Variants in KCNV2 observed in about 807,000 individuals in gnomAD.
KCNV2 encodes potassium voltage-gated channel modifier subfamily V member 2.
KCNV2 carries 65 observed loss-of-function variants against 37.0 expected under a neutral mutation model. The observed-to-expected ratio is 1.76, with a 90% CI of 1.44 to 2.16. The LOEUF (loss-of-function observed/expected upper bound fraction) is 2.16, where lower values mean the gene tolerates loss of function less well. Among genes scored for constraint, KCNV2 ranks in the 30% most tolerant of loss-of-function variants. The pLI, the probability that KCNV2 is intolerant of heterozygous loss-of-function variation, is 0.00. For missense variants in KCNV2, 1,232 were observed against 766.7 expected (o/e 1.61, Z -7.17); for synonymous variants, 518 against 328.6 (o/e 1.58, Z -6.23).
chr9:2,728,717 TTTGAAAAGTG>T (rs1385362692), intron 1 of KCNV2, among the ~76,000 whole-genome samples: 1 of 152,054 alleles, frequency 6.6e-6, no homozygotes, highest in Non-Finnish European at 1.5e-5. Flanking sequence ...ACGTAACAAC[TTTGAAAAGTG>T]TTATAACTGT....
chr9:2,719,143 G>C (rs374028926), intron 1 of KCNV2, 48 bp downstream of exon 1: 3 of 1,594,002 alleles, frequency 1.9e-6, no homozygotes, highest in Non-Finnish European at 2.6e-6. Context: ...CCAGCCCAGT[G>C]AGCTGCTCCT....
At chr9:2,724,034 G>C (rs1303003439) in intron 1 of KCNV2, among the ~76,000 whole-genome samples, 1 of 151,332 alleles carries the variant, frequency 6.6e-6, no homozygotes, top group Non-Finnish European at 1.5e-5. Context: ...CGGGGGTTGG[G>C]GGGTGGAGGG....
rs1403529555 is a variant in KCNV2 at position 2,717,919 on chromosome 9, C to T, written c.180C>T (p.Asp60=). 5.0e-5 allele frequency: 81 copies of T among 1,614,024 alleles called. No homozygotes were observed. Among genetic ancestry groups the T allele is most frequent in the Non-Finnish European group, 6.3e-5 (74 of 1,180,028 alleles). Residue 60 remains aspartate, a synonymous_variant, in exon 1 of 2, where the codon GAC becomes GAT. Transcript: ENST00000382082. ...ACTACTACATCGAGGAAGACGAAGACGGCGAGGAGGAGGACCAGTGGAAGG... is the reference window on the plus strand; with the variant it reads ...ACTACTACATCGAGGAAGACGAAGATGGCGAGGAGGAGGACCAGTGGAAGG... ...NYNYYIEEDE[D]GEEEDQWKDD...
chr9:2,720,590 C>G (rs1208943631), intron 1 of KCNV2: 1 of 152,178 alleles, frequency 6.6e-6, no homozygotes, highest in Non-Finnish European at 1.5e-5. Context: ...TTGTCCCCAG[C>G]AAATGACATT....
intron 1 of KCNV2, among the ~76,000 whole-genome samples, chr9:2,722,944 G>C (rs1235363487): frequency 6.6e-6 from 1 of 152,138 alleles, no homozygotes; most frequent in Non-Finnish European, 1.5e-5. Context: ...CACTTCATAA[G>C]TTTCTTTTCA....
Position 2,729,982 on chromosome 9 carries a change from A to C in KCNV2, c.*255A>C, listed in dbSNP as rs894121306. ...GAAAACCTGAGGGGAGCAACAGCTT[A>C]GATTTTTCTTGTAGCTTCTCGTGGC... On this transcript the variant is annotated 3_prime_UTR_variant, in exon 2 of 2. Transcript: ENST00000382082. The C allele has an allele frequency of 1.7e-5, 8 of 463,050 alleles. No homozygotes were observed. The highest frequency in any genetic ancestry group is 3.1e-5 in the Non-Finnish European group (8 of 260,140). 28.7% of individuals were successfully genotyped at this position (463,050 alleles called of 1,614,324 possible).
chr9:2,719,158 C>G, intron 1 of KCNV2, 63 bp downstream of exon 1: 6 of 1,573,736 alleles, frequency 3.8e-6, no homozygotes, highest in Non-Finnish European at 5.2e-6. Flanking sequence ...GCTCCTCCCT[C>G]CCCTGGTTAT....
At position 2,729,649 on chromosome 9, in the gene KCNV2, C is replaced by T. The variant is rs376753532; in HGVS notation, c.1560C>T (p.Phe520=). 5.6e-6 allele frequency: 9 copies of T among 1,613,976 alleles called. No individual in the cohort carries two copies. The highest frequency in any genetic ancestry group is 7.6e-6 in the Non-Finnish European group (9 of 1,180,004). ...GCAGGGAGAGGGGAGAGGTGAACTTCATGCAGAGAGCCAGAAAGAAGATAG... is the reference window on the plus strand; with the variant it reads ...GCAGGGAGAGGGGAGAGGTGAACTTTATGCAGAGAGCCAGAAAGAAGATAG... ...TIRRERGEVN[F]MQRARKKIAE... is the part of the protein sequence containing the mutation. The change falls in exon 2 of 2, where the codon TTC becomes TTT. Residue 520 remains phenylalanine, a synonymous_variant. Transcript: ENST00000382082.
intron 1 of KCNV2, among the ~76,000 whole-genome samples, chr9:2,720,862 A>G (rs1419741454): frequency 6.6e-6 from 1 of 152,244 alleles, no homozygotes; most frequent in Non-Finnish European, 1.5e-5. Flanking sequence ...TAATTAAAAT[A>G]AAACACATAA....
chr9:2,718,498 A>G lies in KCNV2; in HGVS notation c.759A>G (p.Pro253=), dbSNP rs10967709. 163,434 of 1,610,338 alleles carry G rather than the reference A, an allele frequency of 0.1. 8,982 individuals are homozygous for G. Among genetic ancestry groups the G allele is most frequent in the Admixed American group, 0.16 (9,684 of 59,594 alleles). Reference sequence around the variant, plus strand: ...GCCTCTGGAACCTCATGGAGAAGCCATTCTCCTCGGTGGCCGCCAAGGCCA... The same window carrying G: ...GCCTCTGGAACCTCATGGAGAAGCCGTTCTCCTCGGTGGCCGCCAAGGCCA... ...RRRLWNLMEK[P]FSSVAAKAIG... is the part of the protein sequence containing the mutation. The change falls in exon 1 of 2, where the codon CCA becomes CCG. Residue 253 remains proline, a synonymous_variant. Coordinates refer to ENST00000382082, the MANE Select transcript of KCNV2 (RefSeq NM_133497.4).
At chr9:2,725,915 G>C (rs894321340) in intron 1 of KCNV2, among the ~76,000 whole-genome samples, 3 of 152,188 alleles carry the variant, frequency 2.0e-5, no homozygotes, top group Non-Finnish European at 4.4e-5. Context: ...GTTGTTTAGT[G>C]AGTAAACTGC....
At chr9:2,728,122 C>A (rs117592628) in intron 1 of KCNV2, among the ~76,000 whole-genome samples, 1,886 of 152,246 alleles carry the variant, frequency 0.012, 12 homozygotes, top group Middle Eastern at 0.02. Flanking sequence ...TGGCTCACTT[C>A]TCCATTTCAT....
rs1174803683 is a variant in KCNV2 at position 2,717,761 on chromosome 9, A to C, written c.22A>C (p.Arg8=). Residue 8 remains arginine, a synonymous_variant, in exon 1 of 2, where the codon AGA becomes CGA. Transcript: ENST00000382082. ...AGCCATGCTCAAACAGAGTGAGAGG[A>C]GACGGTCCTGGAGCTACAGGCCCTG... MLKQSER[R]RSWSYRPWNT... The C allele has an allele frequency of 6.2e-7, 1 of 1,614,092 alleles. No individual in the cohort carries two copies. The highest frequency in any genetic ancestry group is 8.5e-7 in the Non-Finnish European group (1 of 1,180,032).
chr9:2,723,975 T>A (rs1819927673), intron 1 of KCNV2, among the ~76,000 whole-genome samples: 2 of 151,746 alleles, frequency 1.3e-5, no homozygotes. Context: ...TTTTTTTTTT[T>A]TTTAGCCTCA....
In KCNV2 at chr9:2,718,012, C is replaced by A. The variant is rs1369300851; in HGVS notation, c.273C>A (p.Asp91Glu). The A allele has an allele frequency of 1.1e-5, 17 of 1,613,404 alleles. No homozygotes were observed. Among genetic ancestry groups the A allele is most frequent in the Non-Finnish European group, 1.4e-5 (16 of 1,179,734 alleles). The change falls in exon 1 of 2, where the codon GAC (aspartate) becomes GAA (glutamate). Residue 91 changes from aspartate (D) to glutamate (E), a missense_variant. Physicochemically the swap from Asp to Glu is conservative, Grantham distance 45 (BLOSUM62 2). Coordinates refer to ENST00000382082, the MANE Select transcript of KCNV2 (RefSeq NM_133497.4). The stretch of plus-strand genomic sequence containing the variant: ...CCGCCAAGCCCGAGGGCCCCAGCGA[C>A]CCTCCGGCCCTGCTGTCCACGCTGA... ...VTTAKPEGPS[D>E]PPALLSTLNV...
intron 1 of KCNV2, chr9:2,720,533 C>T (rs1340478979): frequency 2.0e-5 from 3 of 152,158 alleles, no homozygotes; most frequent in African/African-American, 7.2e-5. Flanking sequence ...AAGGTCATCC[C>T]TATAGTAGAT....
rs757360187 is a variant in KCNV2, at chr9:2,717,760, G to C, written c.21G>C (p.Arg7Ser). 3.7e-6 allele frequency: 6 copies of C among 1,614,104 alleles called. No individual in the cohort carries two copies. The highest frequency in any genetic ancestry group is 1.6e-4 in the Middle Eastern group (1 of 6,084). MLKQSERRRSWSYRPWN... is the reference protein window; with the variant it reads MLKQSESRRSWSYRPWN... ...CAGCCATGCTCAAACAGAGTGAGAGGAGACGGTCCTGGAGCTACAGGCCCT... is the reference window on the plus strand; with the variant it reads ...CAGCCATGCTCAAACAGAGTGAGAGCAGACGGTCCTGGAGCTACAGGCCCT... Residue 7 changes from arginine (R) to serine (S), a missense_variant, in exon 1 of 2, where the codon AGG (arginine) becomes AGC (serine). Transcript: ENST00000382082.
In KCNV2 at chr9:2,729,531, G is replaced by A. The variant is rs1249859757; in HGVS notation, c.1442G>A (p.Gly481Glu). Residue 481 changes from glycine (G) to glutamate (E), a missense_variant, in exon 2 of 2, where the codon GGG becomes GAG. Physicochemically the swap from Gly to Glu is moderately conservative, Grantham distance 98. Transcript: ENST00000382082. ...TTTGCCTTCCTCTGCATTGCTTTTGGGATCATTCTCAACGGGATGCCCATT... is the reference window on the plus strand; with the variant it reads ...TTTGCCTTCCTCTGCATTGCTTTTGAGATCATTCTCAACGGGATGCCCATT... ...RFFAFLCIAF[G>E]IILNGMPISI... 6.2e-7 allele frequency: 1 copy of A among 1,613,966 alleles called. No individual in the cohort carries two copies. The highest frequency in any genetic ancestry group is 8.5e-7 in the Non-Finnish European group (1 of 1,179,982).
chr9:2,729,115 C>G (rs1820019445), intron 1 of KCNV2, among the ~76,000 whole-genome samples: 1 of 152,172 alleles, frequency 6.6e-6, no homozygotes, highest in Admixed American at 6.5e-5. Flanking sequence ...CGTTCTACAT[C>G]AGGTACTTAA....
Sources: gnomAD v4.1 joint callset for allele counts (sites outside exome capture counted in the v4.1 genomes callset) on GRCh38, gnomAD v4.1.1 for gene constraint, MANE v1.5 for transcripts, NCBI Gene and HGNC (gene_info 2026-07-23, HGNC 2026-07-21) for gene names.